Variants in CNTNAP2 observed in about 807,000 individuals in gnomAD.
CNTNAP2 encodes contactin associated protein 2.
Under a neutral mutation model 155.2 loss-of-function variants are expected in CNTNAP2, and 98 were observed. That is an observed-to-expected ratio of 0.63 (90% CI 0.54 to 0.75). The LOEUF is 0.75. CNTNAP2 is among the 30% of genes least tolerant of loss of function. The pLI, the probability that CNTNAP2 is intolerant of heterozygous loss-of-function variation, is 0.00. For missense variants in CNTNAP2, 1,727 were observed against 1,688.1 expected, an observed-to-expected ratio of 1.02 and a Z score of -0.40; for synonymous variants, 651 against 631.2, an observed-to-expected ratio of 1.03 and a Z score of -0.47.
At chr7:147,342,003 C>A (rs1318178814) in intron 9 of CNTNAP2, among the ~76,000 whole-genome samples, 1 of 152,092 alleles carries the variant, frequency 6.6e-6, no homozygotes, top group East Asian at 1.9e-4. Context: ...AATCAGAGCA[C>A]CAGCATGGTG....
At chr7:146,141,693 C>A (rs562783966) in intron 1 of CNTNAP2, among the ~76,000 whole-genome samples, 11 of 151,960 alleles carry the variant, frequency 7.2e-5, no homozygotes, top group Admixed American at 5.9e-4. Flanking sequence ...TTATTGAGTT[C>A]TATTGATGAA....
intron 3 of CNTNAP2, among the ~76,000 whole-genome samples, chr7:146,894,281 T>C (rs981321809): frequency 6.6e-6 from 1 of 152,216 alleles, no homozygotes; most frequent in Non-Finnish European, 1.5e-5. Context: ...AAATTGTTTC[T>C]TAACCCAGGT....
At chr7:148,038,651 A>G (rs1417251519) in intron 15 of CNTNAP2, among the ~76,000 whole-genome samples, 3 of 152,138 alleles carry the variant, frequency 2.0e-5, no homozygotes, top group Non-Finnish European at 2.9e-5. Context: ...TTTGGTACCC[A>G]TTAAATGTTT....
intron 3 of CNTNAP2, among the ~76,000 whole-genome samples, chr7:146,865,982 ATTC>A (rs904941781): frequency 5.9e-5 from 9 of 152,114 alleles, no homozygotes; most frequent in African/African-American, 1.4e-4. Flanking sequence ...AAATGAATAC[ATTC>A]TTCTTCTATT....
At position 146,785,193 on chromosome 7, in the gene CNTNAP2, C is replaced by T. The variant is rs376371667; in HGVS notation, c.208+10812C>T. On this transcript the variant is annotated intron_variant, in intron 2 of 23. Coordinates refer to ENST00000361727, the MANE Select transcript of CNTNAP2 (RefSeq NM_014141.6). ...TTTGCCATGTGTGTCAGGCTGGTCT[C>T]GAACTCCTGCACTCAAGTGATCTAC... Among the ~76,000 whole-genome samples, 32 of 151,896 alleles carry T rather than the reference C, an allele frequency of 2.1e-4. 1 individual carries two copies. The highest frequency in any genetic ancestry group is 7.0e-4 in the African/African-American group (29 of 41,418).
intron 3 of CNTNAP2, among the ~76,000 whole-genome samples, chr7:146,916,760 A>G (rs1218096102): frequency 1.3e-5 from 2 of 152,036 alleles, no homozygotes; most frequent in African/African-American, 4.8e-5. Flanking sequence ...TATCTTTTCA[A>G]AGAACCAGCT....
chr7:146,181,674 G>A (rs1323249421), intron 1 of CNTNAP2, among the ~76,000 whole-genome samples: 2 of 152,086 alleles, frequency 1.3e-5, no homozygotes, highest in Non-Finnish European at 2.9e-5. Context: ...TTTTGCTGTA[G>A]TTTTATGCTT....
chr7:146,205,645 C>G, intron 1 of CNTNAP2, among the ~76,000 whole-genome samples: 1 of 151,826 alleles, frequency 6.6e-6, no homozygotes, highest in East Asian at 1.9e-4. Flanking sequence ...ATTCCCCACA[C>G]TCAGACCAGA....
chr7:147,862,580 C>T (rs1038261373), intron 13 of CNTNAP2, among the ~76,000 whole-genome samples: 1 of 151,772 alleles, frequency 6.6e-6, no homozygotes, highest in Admixed American at 6.6e-5. Flanking sequence ...AACTGGGACC[C>T]CTTACATTAG....
intron 14 of CNTNAP2, among the ~76,000 whole-genome samples, chr7:147,919,789 G>A (rs570974541): frequency 9.3e-5 from 14 of 151,160 alleles, no homozygotes; most frequent in African/African-American, 3.2e-4. Context: ...TTTTCTCCGC[G>A]TTGCTCAGGC....
At chr7:147,615,091 C>CA (rs71183021) in intron 12 of CNTNAP2, among the ~76,000 whole-genome samples, 53,668 of 122,840 alleles carry the variant, frequency 0.44, 11,132 homozygotes, top group Admixed American at 0.56. Context: ...CCATCTTTAT[C>CA]AAAAAAAAAA....
At chr7:146,534,368 G>C (rs1797815036) in intron 1 of CNTNAP2, among the ~76,000 whole-genome samples, 1 of 152,240 alleles carries the variant, frequency 6.6e-6, no homozygotes, top group South Asian at 2.1e-4. Flanking sequence ...AGGAACACCT[G>C]TCATGAAAGT....
At chr7:146,916,942 A>G (rs1311766451) in intron 3 of CNTNAP2, among the ~76,000 whole-genome samples, 1 of 152,052 alleles carries the variant, frequency 6.6e-6, no homozygotes, top group Admixed American at 6.6e-5. Flanking sequence ...AGACTTTCTG[A>G]TGTAGGCATA....
intron 2 of CNTNAP2, among the ~76,000 whole-genome samples, chr7:146,795,442 T>A (rs577190316): frequency 6.6e-6 from 1 of 152,278 alleles, no homozygotes; most frequent in South Asian, 2.1e-4. Context: ...AAGATGACAA[T>A]GAAAGTGTTC....
At chr7:147,679,860 T>G (rs1795921459) in intron 13 of CNTNAP2, among the ~76,000 whole-genome samples, 1 of 151,928 alleles carries the variant, frequency 6.6e-6, no homozygotes, top group Non-Finnish European at 1.5e-5. Context: ...ACCCCAAATC[T>G]AAAATCAGGA....
intron 1 of CNTNAP2, among the ~76,000 whole-genome samples, chr7:146,763,275 A>G (rs753371949): frequency 1.3e-5 from 2 of 152,134 alleles, no homozygotes; most frequent in African/African-American, 2.4e-5. Flanking sequence ...CTCCACAGAT[A>G]TCAGATAACC....
intron 15 of CNTNAP2, among the ~76,000 whole-genome samples, chr7:147,981,428 G>C (rs919849728): frequency 6.6e-6 from 1 of 152,180 alleles, no homozygotes; most frequent in Non-Finnish European, 1.5e-5. Flanking sequence ...TTATAGAGAT[G>C]AACTTACTTT....
intron 1 of CNTNAP2, among the ~76,000 whole-genome samples, chr7:146,293,844 A>G (rs1800470600): frequency 6.6e-6 from 1 of 152,206 alleles, no homozygotes; most frequent in South Asian, 2.1e-4. Flanking sequence ...AAAAAATATC[A>G]ACATGGAGAC....
Position 147,550,765 on chromosome 7 carries a change from A to G in CNTNAP2, c.1778-11373A>G, listed in dbSNP as rs1047909056. On this transcript the variant is annotated intron_variant, in intron 11 of 23. Coordinates refer to ENST00000361727, the MANE Select transcript of CNTNAP2 (RefSeq NM_014141.6). ...CTTCTGAAACGATCTTGTTCCCCAA[A>G]TAACCACAACAGATATTATATAGCA... 1.2e-4 allele frequency among the ~76,000 whole-genome samples: 19 copies of G among 152,334 alleles called. No individual in the cohort carries two copies. The South Asian group carries it at 3.9e-3, about 32-fold the overall frequency.
Sources: allele counts gnomAD v4.1 joint callset (sites outside exome capture counted in the v4.1 genomes callset), GRCh38; gene constraint gnomAD v4.1.1; transcripts MANE v1.5; gene names NCBI Gene and HGNC (gene_info 2026-07-23, HGNC 2026-07-21).